AGFG1: variants seen among roughly 807,000 people sequenced by gnomAD.
The protein encoded by AGFG1 is ArfGAP with FG repeats 1, also known as arf-GAP domain and FG repeat-containing protein 1.
A neutral mutation model predicts 60.6 loss-of-function variants in AGFG1; 10 were observed. The ratio of observed to expected loss-of-function variants is 0.16; its 90% CI spans 0.10 to 0.28. AGFG1 has a LOEUF of 0.28. Among genes scored for constraint, AGFG1 ranks in the 10% least tolerant of loss-of-function variants. The probability of loss-of-function intolerance (pLI) is 1.00; values close to 1 mark genes in which losing one functional copy is unlikely to be tolerated. For missense variants in AGFG1, 537 were observed against 676.5 expected, an observed-to-expected ratio of 0.79 and a Z score of 2.29; for synonymous variants, 247 against 242.9, an observed-to-expected ratio of 1.02 and a Z score of -0.16.
At chr2:227,522,715 A>G (rs1338075639) in intron 3 of AGFG1, among the ~76,000 whole-genome samples, 2 of 152,094 alleles carry the variant, frequency 1.3e-5, no homozygotes, top group South Asian at 2.1e-4. Context: ...TTCTTTCCTC[A>G]CCTACTTCAT....
intron 10 of AGFG1, among the ~76,000 whole-genome samples, chr2:227,549,749 G>A (rs1427000560): frequency 6.6e-6 from 1 of 152,106 alleles, no homozygotes; most frequent in Non-Finnish European, 1.5e-5. Context: ...TGCCTACAAA[G>A]CATTTTTTAA....
At chr2:227,532,850 T>G (rs6731443) in intron 6 of AGFG1, among the ~76,000 whole-genome samples, 72,863 of 151,918 alleles carry the variant, frequency 0.48, 18,293 homozygotes, top group South Asian at 0.64. Flanking sequence ...TTTAAAGATG[T>G]AACAGGATAT....
At chr2:227,540,380 G>A (rs1267097085) in intron 10 of AGFG1, among the ~76,000 whole-genome samples, 2 of 152,048 alleles carry the variant, frequency 1.3e-5, no homozygotes, top group African/African-American at 2.4e-5. Flanking sequence ...GGTGTGTGAT[G>A]TTCCCCACCT....
At chr2:227,547,358 T>C (rs1692683328) in intron 10 of AGFG1, among the ~76,000 whole-genome samples, 1 of 152,232 alleles carries the variant, frequency 6.6e-6, no homozygotes, top group Non-Finnish European at 1.5e-5. Flanking sequence ...CCTCTCAATT[T>C]ACTCTTAATA....
At position 227,553,650 on chromosome 2, in the gene AGFG1, A is replaced by G. The variant is rs1575121932; in HGVS notation, c.1538-54A>G. 2.0e-5 allele frequency: 28 copies of G among 1,373,564 alleles called. No individual in the cohort carries two copies. In the East Asian group the frequency reaches 6.2e-4, roughly 30 times the overall value. The allele number at this position is 1,373,564 out of a possible 1,614,324, so 85.1% of individuals were successfully genotyped here. A position where few individuals can be genotyped will look rare whatever the true frequency, so the allele number is the denominator to read the frequency against. On this transcript the variant is annotated intron_variant, in intron 11 of 12. Transcript: ENST00000310078. ...AAAGTTATTATGAGGCTTTATAAGC[A>G]TCAGATTGTCTCTTGAAGGTATGGG...
intron 2 of AGFG1, among the ~76,000 whole-genome samples, chr2:227,510,257 C>T (rs1348581926): frequency 6.6e-6 from 1 of 152,122 alleles, no homozygotes; most frequent in African/African-American, 2.4e-5. Flanking sequence ...CATACACACA[C>T]ACACATGCAC....
intron 1 of AGFG1, among the ~76,000 whole-genome samples, chr2:227,473,689 T>A (rs2106146046): frequency 6.6e-6 from 1 of 152,368 alleles, no homozygotes; most frequent in Admixed American, 6.5e-5. Context: ...TTACTAAGTA[T>A]TTTTAAAACC....
At chr2:227,483,921 C>CT (rs772566088) in intron 1 of AGFG1, among the ~76,000 whole-genome samples, 70 of 151,790 alleles carry the variant, frequency 4.6e-4, no homozygotes, top group Admixed American at 7.9e-4. Flanking sequence ...ATTCCGTTTT[C>CT]TTTTTTTTAT....
At chr2:227,483,430 T>C (rs1217554630) in intron 1 of AGFG1, among the ~76,000 whole-genome samples, 1 of 152,138 alleles carries the variant, frequency 6.6e-6, no homozygotes, top group Non-Finnish European at 1.5e-5. Context: ...TAGATTCATA[T>C]AGCCACCACT....
chr2:227,523,800 G>C lies in AGFG1; in HGVS notation c.415G>C (p.Val139Leu), dbSNP rs1464800789. 1 of 1,613,930 alleles carries C rather than the reference G, an allele frequency of 6.2e-7. No individual in the cohort carries two copies. The highest frequency in any genetic ancestry group is 1.7e-5 in the Admixed American group (1 of 59,980). The part of the protein sequence containing the change: ...PPEQAKVVAS[V>L]HASISGSSAS... ...AGAACAAGCCAAAGTCGTGGCATCA[G>C]TTCATGCATCTATTTCAGGGTCCTC... The change falls in exon 4 of 13, where the codon GTT becomes CTT. Residue 139 changes from valine (V) to leucine (L), a missense_variant. Coordinates refer to ENST00000310078, the MANE Select transcript of AGFG1 (RefSeq NM_004504.5).
intron 1 of AGFG1, among the ~76,000 whole-genome samples, chr2:227,474,841 C>T (rs1011828726): frequency 6.6e-6 from 1 of 152,150 alleles, no homozygotes; most frequent in African/African-American, 2.4e-5. Flanking sequence ...ATTAGTTATA[C>T]GGTATTGAGA....
chr2:227,545,918 C>T (rs1468427478), intron 10 of AGFG1, among the ~76,000 whole-genome samples: 1 of 152,190 alleles, frequency 6.6e-6, no homozygotes, highest in Non-Finnish European at 1.5e-5. Flanking sequence ...GAGGTGTCTC[C>T]CAGTTAGGCT....
chr2:227,480,186 G>T (rs563882720), intron 1 of AGFG1, among the ~76,000 whole-genome samples: 2 of 152,290 alleles, frequency 1.3e-5, no homozygotes, highest in Admixed American at 6.5e-5. Context: ...AAGAAGAAAA[G>T]ATTAGACAGT....
rs879602278 is a variant in AGFG1 at position 227,556,593 on chromosome 2, A to C, written c.*2098A>C. ...TCATGTGTACAAAGTTATGCTACCTAATTACAGACCATTACCCAAATATCC... is the reference window on the plus strand; with the variant it reads ...TCATGTGTACAAAGTTATGCTACCTCATTACAGACCATTACCCAAATATCC... On this transcript the variant is annotated 3_prime_UTR_variant, in exon 13 of 13. Coordinates refer to ENST00000310078, the MANE Select transcript of AGFG1 (RefSeq NM_004504.5). The C allele has an allele frequency of 2.6e-5, 4 of 152,604 alleles. No individual in the cohort carries two copies. Among genetic ancestry groups the C allele is most frequent in the Non-Finnish European group, 5.9e-5 (4 of 68,026 alleles). The allele number at this position is 152,604 out of a possible 1,614,324, so 9.5% of individuals were successfully genotyped here.
At chr2:227,530,138 TTC>T (rs1271580304) in intron 5 of AGFG1, among the ~76,000 whole-genome samples, 1 of 152,168 alleles carries the variant, frequency 6.6e-6, no homozygotes, top group Non-Finnish European at 1.5e-5. Context: ...GGGTCTTAAG[TTC>T]CACACTAAGT....
intron 10 of AGFG1, among the ~76,000 whole-genome samples, chr2:227,540,377 G>A (rs1007079257): frequency 7.2e-5 from 11 of 152,078 alleles, no homozygotes; most frequent in Non-Finnish European, 1.5e-4. Context: ...GCCGGTGTGT[G>A]ATGTTCCCCA....
intron 10 of AGFG1, among the ~76,000 whole-genome samples, chr2:227,539,448 A>AC: frequency 7.0e-6 from 1 of 142,060 alleles, no homozygotes; most frequent in South Asian, 2.4e-4. Flanking sequence ...GTCTCAAAAA[A>AC]AACAAAAAAC....
chr2:227,528,958 A>T (rs1266018491), intron 5 of AGFG1, among the ~76,000 whole-genome samples: 1 of 152,224 alleles, frequency 6.6e-6, no homozygotes, highest in Non-Finnish European at 1.5e-5. Context: ...AAAGAATGAA[A>T]TAGCTACATG....
intron 10 of AGFG1, among the ~76,000 whole-genome samples, chr2:227,542,097 C>G (rs970325267): frequency 1.7e-4 from 26 of 152,172 alleles, no homozygotes; most frequent in African/African-American, 6.3e-4. Flanking sequence ...ACAATCATGT[C>G]ATCTGCAAAC....
Sources: allele counts gnomAD v4.1 joint callset (sites outside exome capture counted in the v4.1 genomes callset), GRCh38; gene constraint gnomAD v4.1.1; transcripts MANE v1.5; gene names NCBI Gene and HGNC (gene_info 2026-07-23, HGNC 2026-07-21).